ARMH1: variants seen among roughly 807,000 people sequenced by gnomAD.
ARMH1 encodes armadillo-like helical domain containing protein 1.
In ARMH1, 34 loss-of-function variants were observed where a neutral mutation model predicts 50.2. That is an observed-to-expected ratio of 0.68 (90% confidence interval 0.51 to 0.90). ARMH1 has a LOEUF of 0.90. Ranked by LOEUF, ARMH1 falls within the 40% of genes least tolerant of loss-of-function variation. ARMH1 has a pLI of 0.00. For synonymous variants in ARMH1, 221 were observed against 224.2 expected, an observed-to-expected ratio of 0.99 and a Z score of 0.13; for missense variants, 538 against 553.9, an observed-to-expected ratio of 0.97 and a Z score of 0.29.
At chr1:44,704,263 G>A in intron 6 of ARMH1, 90 bp downstream of exon 6, 11 of 969,950 alleles carry the variant, frequency 1.1e-5, no homozygotes, top group East Asian at 2.7e-5. Context: ...GAGCCTTGAT[G>A]TTGAGTGTCT....
chr1:44,697,028 C>G, intron 2 of ARMH1, 74 bp from the exon 3 acceptor site: 1 of 1,154,548 alleles, frequency 8.7e-7, no homozygotes, highest in Non-Finnish European at 1.3e-6. Context: ...CGGGGTGGTA[C>G]CAGAGATCAG....
rs761917157 is a variant in ARMH1 at position 44,704,147 on chromosome 1, C to T, written c.698C>T (p.Thr233Met). ...GACTGCGTGCTGAAGGTGCTGGGCA[C>T]GATGCACCTGGAAGTCCAGTATGAA... ...IVDCVLKVLG[T>M]MHLEVQYEAI... Residue 233 changes from threonine to methionine, a missense_variant, in exon 6 of 12, where the codon ACG (threonine) becomes ATG (methionine). By Grantham distance (81) the Thr-to-Met change is moderately conservative. Transcript: ENST00000535358. 115 of 1,551,060 alleles carry T rather than the reference C, an allele frequency of 7.4e-5. No homozygotes were observed. Among genetic ancestry groups the T allele is most frequent in the African/African-American group, 4.1e-5 (3 of 72,908 alleles).
chr1:44,719,490 C>G (rs1270470647), intron 6 of ARMH1, among the ~76,000 whole-genome samples: 3 of 152,212 alleles, frequency 2.0e-5, no homozygotes, highest in African/African-American at 7.2e-5. Flanking sequence ...ATCCCTCCGC[C>G]GGTGTTTTCA....
At chr1:44,721,831 A>G (rs1043785869) in intron 6 of ARMH1, 24 of 152,046 alleles carry the variant, frequency 1.6e-4, no homozygotes, top group African/African-American at 5.1e-4. Context: ...ATAAACTCAT[A>G]GTTGTTTTTC....
Position 44,724,817 on chromosome 1 carries a change from A to G in ARMH1, c.1106A>G (p.Glu369Gly), listed in dbSNP as rs1273969967. The change falls in exon 10 of 12, where the codon GAG (glutamate) becomes GGG (glycine). Residue 369 changes from glutamate (E) to glycine (G), a missense_variant. Coordinates refer to ENST00000535358, the MANE Select transcript of ARMH1 (RefSeq NM_001145636.2). This position sits in a 1 kb window ranked among gnomAD's most constrained non-coding sequence, Gnocchi z 6.4. ...GAGCACGTGCGCAAGTGCATGGGGG[A>G]GGAACTCTACCAGCTCTTCCTGGTA... ...VAEHVRKCMG[E>G]ELYQLFLSNA... The G allele has an allele frequency of 1.4e-5, 21 of 1,542,154 alleles. No individual in the cohort carries two copies. The highest frequency in any genetic ancestry group is 1.7e-5 in the Non-Finnish European group (20 of 1,146,648).
At chr1:44,693,061 T>C (rs934750506) in intron 2 of ARMH1, 15 of 152,220 alleles carry the variant, frequency 9.9e-5, no homozygotes, top group Non-Finnish European at 2.9e-5. Context: ...AATATTATTG[T>C]GCATAAAAGA....
chr1:44,709,483 T>G (rs144406908), intron 6 of ARMH1, among the ~76,000 whole-genome samples: 6 of 152,182 alleles, frequency 3.9e-5, no homozygotes, highest in East Asian at 3.9e-4. Context: ...CCATCCTGGC[T>G]AACACGGTGA....
chr1:44,723,262 G>A (rs1352744410), intron 6 of ARMH1, among the ~76,000 whole-genome samples: 2 of 151,848 alleles, frequency 1.3e-5, no homozygotes, highest in Non-Finnish European at 2.9e-5. Context: ...CCATATCATC[G>A]CTGCCTGTTT....
chr1:44,713,094 G>A (rs981605773), intron 6 of ARMH1, among the ~76,000 whole-genome samples: 4 of 147,044 alleles, frequency 2.7e-5, no homozygotes, highest in Non-Finnish European at 6.0e-5. Context: ...TACTGCGCCC[G>A]GCCTTTTTTT....
intron 2 of ARMH1, among the ~76,000 whole-genome samples, chr1:44,694,354 G>A (rs1645754215): frequency 6.6e-6 from 1 of 152,096 alleles, no homozygotes; most frequent in Non-Finnish European, 1.5e-5. Flanking sequence ...TAGCATCACA[G>A]CATCATTATT....
intron 4 of ARMH1, among the ~76,000 whole-genome samples, chr1:44,699,564 C>CT (rs1177634856): frequency 6.6e-6 from 1 of 151,942 alleles, no homozygotes; most frequent in East Asian, 1.9e-4. Context: ...ATTCTCATGC[C>CT]TTAGCCTCCC....
intron 6 of ARMH1, chr1:44,721,818 A>C (rs906174506): frequency 6.6e-6 from 1 of 152,194 alleles, no homozygotes. Flanking sequence ...AAAAAATTTA[A>C]CCATAAACTC....
chr1:44,704,077 C>T lies in ARMH1; in HGVS notation c.640-12C>T. 1.3e-6 allele frequency: 2 copies of T among 1,544,908 alleles called. No individual in the cohort carries two copies. The highest frequency in any genetic ancestry group is 1.8e-6 in the Non-Finnish European group (2 of 1,141,620). On this transcript the variant is annotated splice_polypyrimidine_tract_variant and intron_variant, in intron 5 of 11. Transcript: ENST00000535358. ...AAGACTAACCACCTTGTCCTGTTGT[C>T]TGTCTGGTCAGCCAATCATTGGGAC...
Position 44,714,454 on chromosome 1 carries a change from G to T in ARMH1, c.725-9668G>T, listed in dbSNP as rs569207793. Among the ~76,000 whole-genome samples the T allele has an allele frequency of 6.1e-4, 92 of 151,908 alleles. 1 individual carries two copies. Among genetic ancestry groups the T allele is most frequent in the African/African-American group, 2.2e-3 (92 of 41,442 alleles). ...TACAAAATTAGCCGGGCGTGGTGGT[G>T]CATGCCTGTAATCCCAGCTACTTGG... On this transcript the variant is annotated intron_variant, in intron 6 of 11. Transcript: ENST00000535358.
rs1573531186 is a variant in ARMH1 at position 44,724,962 on chromosome 1, A to C, written c.1128+123A>C. On this transcript the variant is annotated intron_variant, in intron 10 of 11. Coordinates refer to ENST00000535358, the MANE Select transcript of ARMH1 (RefSeq NM_001145636.2). This position sits in a 1 kb window ranked among gnomAD's most constrained non-coding sequence, Gnocchi z 6.4. ...CAGAGTGGACCTGGCCACCAGCTGC[A>C]GGAGGGACTGCTCTGGCGTAGGCTC... 80 of 1,498,266 alleles carry C rather than the reference A, an allele frequency of 5.3e-5. No homozygotes were observed. In the South Asian group the frequency reaches 9.0e-4, roughly 17 times the overall value. The allele number at this position is 1,498,266 out of a possible 1,614,324, so 92.8% of individuals were successfully genotyped here. A position where few individuals can be genotyped will look rare whatever the true frequency, so the allele number is the denominator to read the frequency against.
chr1:44,696,290 AACAAAGCACCATTACCTCCAAACCATT>A (rs778983320), intron 2 of ARMH1, among the ~76,000 whole-genome samples: 3 of 152,204 alleles, frequency 2.0e-5, no homozygotes, highest in Non-Finnish European at 2.9e-5. Flanking sequence ...CCCCCGCCCA[AACAAAGCACCATTACCTCCAAACCATT>A]ACATTAGCCT....
chr1:44,715,177 G>A lies in ARMH1; in HGVS notation c.725-8945G>A, dbSNP rs531687300. 3.9e-5 allele frequency among the ~76,000 whole-genome samples: 6 copies of A among 152,298 alleles called. No individual in the cohort carries two copies. In the South Asian group the frequency reaches 1.2e-3, roughly 32 times the overall value. ...GTAGGTGGCAGGCTTGTCTGGACCTGCAGAGAAAGACCCGGAACCCTGGTT... is the reference window on the plus strand; with the variant it reads ...GTAGGTGGCAGGCTTGTCTGGACCTACAGAGAAAGACCCGGAACCCTGGTT... On this transcript the variant is annotated intron_variant, in intron 6 of 11. Transcript: ENST00000535358.
intron 5 of ARMH1, among the ~76,000 whole-genome samples, chr1:44,703,170 A>G (rs1646170241): frequency 6.6e-6 from 1 of 152,170 alleles, no homozygotes; most frequent in African/African-American, 2.4e-5. Context: ...GTTCCTGAGG[A>G]AGAGAAGATT....
At chr1:44,702,989 G>A (rs78704770) in intron 5 of ARMH1, among the ~76,000 whole-genome samples, 2,289 of 152,254 alleles carry the variant, frequency 0.015, 53 homozygotes, top group African/African-American at 0.053. Flanking sequence ...CTTCTCTTGG[G>A]AGGCTTAGAT....
Sources: allele counts gnomAD v4.1 joint callset (sites outside exome capture counted in the v4.1 genomes callset), GRCh38; gene constraint gnomAD v4.1.1; non-coding constraint Gnocchi (gnomAD v3.1); transcripts MANE v1.5; gene names NCBI Gene and HGNC (gene_info 2026-07-23, HGNC 2026-07-21).